THSD7B: variants seen among roughly 807,000 people sequenced by gnomAD.
THSD7B encodes thrombospondin type 1 domain containing 7B, also known as thrombospondin type-1 domain-containing protein 7B.
THSD7B carries 138 observed loss-of-function variants against 213.6 expected under a neutral mutation model. The observed-to-expected ratio is 0.65, with a 90% CI of 0.56 to 0.74. The LOEUF is 0.74. Among genes scored for constraint, THSD7B ranks in the 30% least tolerant of loss-of-function variants. The pLI, the probability that THSD7B is intolerant of heterozygous loss-of-function variation, is 0.00. For synonymous variants in THSD7B, 742 were observed against 687.0 expected (o/e 1.08, Z -1.25); for missense variants, 1,931 against 1,991.5 (o/e 0.97, Z 0.58).
At chr2:137,183,389 G>A (rs1009113431) in intron 7 of THSD7B, among the ~76,000 whole-genome samples, 3 of 152,100 alleles carry the variant, frequency 2.0e-5, no homozygotes, top group African/African-American at 4.8e-5. Context: ...AGATCTGGCA[G>A]CTATCTTGAT....
chr2:137,605,433 A>T (rs887396428), intron 17 of THSD7B, among the ~76,000 whole-genome samples: 3 of 152,120 alleles, frequency 2.0e-5, no homozygotes, highest in African/African-American at 4.8e-5. Flanking sequence ...TAAGTACAAA[A>T]ATCAGTTTAA....
rs1235744133 is a variant in THSD7B at position 137,575,742 on chromosome 2, A to ATATATATATATATATATATATTTTT, written c.3423+3187_3423+3188insATATATATATATATATATATTTTTT. On this transcript the variant is annotated intron_variant, in intron 17 of 27. Coordinates refer to ENST00000409968, the MANE Select transcript of THSD7B (RefSeq NM_001316349.2). The stretch of plus-strand genomic sequence containing the variant: ...ATAACACACATATATATATATATAT[A>ATATATATATATATATATATATTTTT]TTTTTACTTTAACATGCTTACTTTT... Among the ~76,000 whole-genome samples the ATATATATATATATATATATATTTTT allele has an allele frequency of 2.3e-4, 34 of 147,316 alleles. 1 individual carries two copies. The highest frequency in any genetic ancestry group is 7.6e-4 in the African/African-American group (31 of 40,812).
At chr2:137,257,566 T>A (rs569573727) in intron 10 of THSD7B, among the ~76,000 whole-genome samples, 17 of 152,208 alleles carry the variant, frequency 1.1e-4, no homozygotes, top group Admixed American at 9.2e-4. Flanking sequence ...TGGAGTTCAG[T>A]GTTCAAAAAA....
chr2:137,012,817 C>G (rs943818576), intron 2 of THSD7B, among the ~76,000 whole-genome samples: 1 of 152,208 alleles, frequency 6.6e-6, no homozygotes, highest in Non-Finnish European at 1.5e-5. Context: ...ATTTTTGAAA[C>G]ATGAACTTAT....
At chr2:136,785,445 G>T (rs1344926664) in intron 1 of THSD7B, among the ~76,000 whole-genome samples, 2 of 130,532 alleles carry the variant, frequency 1.5e-5, no homozygotes, top group African/African-American at 3.0e-5. Context: ...AGATGAGGGC[G>T]CAGGGGCCAC....
chr2:137,045,156 A>AACC (rs1686947705), intron 2 of THSD7B, among the ~76,000 whole-genome samples: 3 of 152,016 alleles, frequency 2.0e-5, no homozygotes, highest in Admixed American at 2.0e-4. Context: ...CAGATGGTAG[A>AACC]TCTTAATAAC....
chr2:137,075,175 G>C (rs1053928186), intron 3 of THSD7B, among the ~76,000 whole-genome samples: 2 of 152,200 alleles, frequency 1.3e-5, no homozygotes, highest in Non-Finnish European at 2.9e-5. Context: ...ATATCCTGCA[G>C]AGTATTTTCC....
chr2:137,568,721 T>G (rs1481164721), intron 16 of THSD7B, among the ~76,000 whole-genome samples: 1 of 152,112 alleles, frequency 6.6e-6, no homozygotes, highest in Non-Finnish European at 1.5e-5. Context: ...TCACTCACTG[T>G]CACGAGAACA....
At chr2:136,783,286 C>G (rs557475834) in intron 1 of THSD7B, among the ~76,000 whole-genome samples, 1 of 152,206 alleles carries the variant, frequency 6.6e-6, no homozygotes, top group East Asian at 1.9e-4. Context: ...TGTTATTCTA[C>G]CTAGCTAGCA....
At chr2:136,816,806 T>G (rs1682481453) in intron 1 of THSD7B, among the ~76,000 whole-genome samples, 1 of 152,224 alleles carries the variant, frequency 6.6e-6, no homozygotes, top group Admixed American at 6.5e-5. Flanking sequence ...TTTATAATCT[T>G]TTGAATATTA....
chr2:136,792,202 C>A (rs1241494396), intron 1 of THSD7B, among the ~76,000 whole-genome samples: 1 of 151,918 alleles, frequency 6.6e-6, no homozygotes, highest in African/African-American at 2.4e-5. Flanking sequence ...CCATCACCCC[C>A]TAAAATTTCC....
intron 24 of THSD7B, among the ~76,000 whole-genome samples, chr2:137,657,991 G>C: frequency 6.6e-6 from 1 of 152,164 alleles, no homozygotes; most frequent in South Asian, 2.1e-4. Flanking sequence ...GATTACAGGC[G>C]TGAGCCACCA....
chr2:137,115,263 C>A lies in THSD7B; in HGVS notation c.1339C>A (p.Pro447Thr). 6.3e-7 allele frequency: 1 copy of A among 1,598,854 alleles called. No homozygotes were observed. Among genetic ancestry groups the A allele is most frequent in the South Asian group, 1.1e-5 (1 of 88,634 alleles). Reference protein sequence around the residue: ...TREVYCAQSVPAAAALRAKEV... With the variant: ...TREVYCAQSVTAAAALRAKEV... ...GGAGGTGTACTGTGCCCAGAGCGTA[C>A]CAGCAGCTGCCGCACTGAGGGCCAA... The change falls in exon 5 of 28, where the codon CCA (proline) becomes ACA (threonine). Residue 447 changes from proline to threonine, a missense_variant. Transcript: ENST00000409968.
chr2:137,482,717 G>C (rs1688334768), intron 15 of THSD7B, among the ~76,000 whole-genome samples: 1 of 151,972 alleles, frequency 6.6e-6, no homozygotes, highest in East Asian at 1.9e-4. Context: ...CACCATTTAG[G>C]GTTTATTGTT....
At chr2:136,803,338 G>T (rs1188950704) in intron 1 of THSD7B, among the ~76,000 whole-genome samples, 1 of 152,064 alleles carries the variant, frequency 6.6e-6, no homozygotes, top group Non-Finnish European at 1.5e-5. Flanking sequence ...TGACCTTCCT[G>T]GCAGTCAAGT....
intron 7 of THSD7B, among the ~76,000 whole-genome samples, chr2:137,188,319 C>A (rs147630724): frequency 6.6e-6 from 1 of 152,140 alleles, no homozygotes; most frequent in Non-Finnish European, 1.5e-5. Flanking sequence ...ATGTTTCAGA[C>A]CAGTGCCACC....
chr2:137,176,132 CATCAGATA>C (rs1558947706), intron 7 of THSD7B, among the ~76,000 whole-genome samples: 1 of 152,068 alleles, frequency 6.6e-6, no homozygotes, highest in African/African-American at 2.4e-5. Flanking sequence ...ATAGATTATT[CATCAGATA>C]TTTCTTTTTC....
At position 136,950,960 on chromosome 2, in the gene THSD7B, T is replaced by C. The variant is rs939201203; in HGVS notation, c.139+68643T>C. Among the ~76,000 whole-genome samples the C allele has an allele frequency of 2.6e-5, 4 of 152,278 alleles. No homozygotes were observed. In the East Asian group the frequency reaches 7.7e-4, roughly 29 times the overall value. ...GGGGAGAGATACACATAGGTTGTAA[T>C]TGTGATAAAGACTCCCACGTTTGGT... On this transcript the variant is annotated intron_variant, in intron 2 of 27. Transcript: ENST00000409968.
chr2:137,664,149 G>A (rs182560622), intron 26 of THSD7B, among the ~76,000 whole-genome samples: 241 of 152,208 alleles, frequency 1.6e-3, no homozygotes, highest in African/African-American at 5.2e-3. Flanking sequence ...CACTGCACCC[G>A]GCCTGAAAAT....
Sources: allele counts gnomAD v4.1 joint callset (sites outside exome capture counted in the v4.1 genomes callset), GRCh38; gene constraint gnomAD v4.1.1; transcripts MANE v1.5; gene names NCBI Gene and HGNC (gene_info 2026-07-23, HGNC 2026-07-21).